Variants in PACRG observed in about 807,000 individuals in gnomAD.
PACRG encodes parkin coregulated.
In PACRG, 29 loss-of-function variants were observed where a neutral mutation model predicts 29.7. That is an observed-to-expected ratio of 0.98 (90% CI 0.73 to 1.33). The LOEUF is 1.33. Ranked by LOEUF, PACRG falls within the 40% of genes most tolerant of loss-of-function variation. The pLI is 0.00. For synonymous variants in PACRG, 116 were observed against 118.7 expected, an observed-to-expected ratio of 0.98 and a Z score of 0.15; for missense variants, 279 against 316.2, an observed-to-expected ratio of 0.88 and a Z score of 0.89.
chr6:163,209,308 T>C (rs1209589045), intron 4 of PACRG, among the ~76,000 whole-genome samples: 1 of 152,252 alleles, frequency 6.6e-6, no homozygotes, highest in African/African-American at 2.4e-5. Flanking sequence ...GCAGTATTAA[T>C]GTGGCAGTCC....
intron 1 of PACRG, among the ~76,000 whole-genome samples, chr6:162,786,741 A>T (rs1784495876): frequency 6.6e-6 from 1 of 151,340 alleles, no homozygotes; most frequent in African/African-American, 2.4e-5. Flanking sequence ...TTTTACAGTA[A>T]TACAATTTTT....
At chr6:163,106,988 G>A (rs1341178245) in intron 4 of PACRG, among the ~76,000 whole-genome samples, 2 of 152,194 alleles carry the variant, frequency 1.3e-5, no homozygotes, top group Non-Finnish European at 2.9e-5. Context: ...TGGGGAAGAT[G>A]AGTTGCAAAT....
At chr6:163,228,228 G>T (rs1184410760) in intron 4 of PACRG, among the ~76,000 whole-genome samples, 1 of 151,880 alleles carries the variant, frequency 6.6e-6, no homozygotes, top group Admixed American at 6.6e-5. Context: ...CCAGGCAATG[G>T]ATTCTTCAAA....
intron 3 of PACRG, among the ~76,000 whole-genome samples, chr6:163,083,977 A>T (rs1813311055): frequency 6.6e-6 from 1 of 152,124 alleles, no homozygotes. Flanking sequence ...ACCATTTAAG[A>T]TAAATAACTT....
chr6:163,226,810 T>G (rs1048907115), intron 4 of PACRG, among the ~76,000 whole-genome samples: 2 of 152,130 alleles, frequency 1.3e-5, no homozygotes, highest in Admixed American at 1.3e-4. Context: ...TGACCCATGA[T>G]GTAGTAAAGG....
In PACRG at chr6:162,731,253, A is replaced by C. The variant is rs566234725; in HGVS notation, c.156+2862A>C. Among the ~76,000 whole-genome samples, 6 of 152,310 alleles carry C rather than the reference A, an allele frequency of 3.9e-5. No homozygotes were observed. In the East Asian group the frequency reaches 1.2e-3, roughly 29 times the overall value. ...AACTCTTTTGAGCATTTTGGATTTC[A>C]GATTTTCAGAACTGGCGTGACCATC... On this transcript the variant is annotated intron_variant, in intron 1 of 4. Transcript: ENST00000366888.
intron 1 of PACRG, among the ~76,000 whole-genome samples, chr6:162,740,972 C>T (rs1780547637): frequency 6.6e-6 from 1 of 152,108 alleles, no homozygotes; most frequent in African/African-American, 2.4e-5. Flanking sequence ...TTTTATCAGA[C>T]ACTTGCTGCA....
intron 1 of PACRG, among the ~76,000 whole-genome samples, chr6:162,812,062 A>G (rs934070772): frequency 6.6e-6 from 1 of 152,152 alleles, no homozygotes; most frequent in Non-Finnish European, 1.5e-5. Flanking sequence ...TGAAGAGGAC[A>G]TAGTTGTTGC....
intron 2 of PACRG, among the ~76,000 whole-genome samples, chr6:162,875,142 C>G (rs769746095): frequency 1.4e-5 from 2 of 147,830 alleles, no homozygotes; most frequent in African/African-American, 2.5e-5. Flanking sequence ...CATTCACACG[C>G]AGACATTCAC....
chr6:163,302,200 C>T (rs998678456), intron 4 of PACRG, among the ~76,000 whole-genome samples: 4 of 152,140 alleles, frequency 2.6e-5, no homozygotes, highest in African/African-American at 9.7e-5. Context: ...TTCAAAACTT[C>T]CCCCCACAGT....
Position 162,747,822 on chromosome 6 carries a change from CG to C in PACRG, c.156+19435del, listed in dbSNP as rs539605772. 5.3e-4 allele frequency among the ~76,000 whole-genome samples: 80 copies of C among 151,892 alleles called. No homozygotes were observed. In the South Asian group the frequency reaches 0.016, roughly 30 times the overall value. ...AGCCAAGAGTATTAGTAATGGGAGA[CG>C]GGGCTCAGGAAATGTAGAGATTCAT... is the stretch of plus-strand genomic sequence containing the variant. On this transcript the variant is annotated intron_variant, in intron 1 of 4. Coordinates refer to ENST00000366888, the MANE Select transcript of PACRG (RefSeq NM_001080379.2).
At chr6:163,230,856 A>C (rs1298373921) in intron 4 of PACRG, among the ~76,000 whole-genome samples, 3 of 104,666 alleles carry the variant, frequency 2.9e-5, no homozygotes, top group Admixed American at 1.8e-4. Flanking sequence ...AGAGGCCTTC[A>C]ATTAGGCCTC....
intron 4 of PACRG, among the ~76,000 whole-genome samples, chr6:163,199,743 G>A (rs1382861958): frequency 2.6e-5 from 4 of 152,106 alleles, no homozygotes; most frequent in Admixed American, 6.5e-5. Context: ...TGAACTCCTC[G>A]CAGAACTCAT....
intron 4 of PACRG, among the ~76,000 whole-genome samples, chr6:163,090,521 G>A (rs147252757): frequency 9.3e-4 from 141 of 152,232 alleles, no homozygotes; most frequent in African/African-American, 3.2e-3. Flanking sequence ...TAGTCTTTAC[G>A]CAAAGTAATA....
chr6:162,834,352 A>T (rs1789035940), intron 2 of PACRG, among the ~76,000 whole-genome samples: 3 of 152,134 alleles, frequency 2.0e-5, no homozygotes, highest in East Asian at 3.9e-4. Context: ...TGTCTAAAAC[A>T]TTATATACAT....
At chr6:162,799,441 A>T (rs1466033522) in intron 1 of PACRG, among the ~76,000 whole-genome samples, 1 of 152,096 alleles carries the variant, frequency 6.6e-6, no homozygotes, top group Non-Finnish European at 1.5e-5. Context: ...TTTCTTATTA[A>T]ATTATCTTCC....
chr6:163,025,121 C>T (rs1807005030), intron 2 of PACRG, among the ~76,000 whole-genome samples: 1 of 152,162 alleles, frequency 6.6e-6, no homozygotes, highest in Non-Finnish European at 1.5e-5. Flanking sequence ...AAACCCATAG[C>T]CCACATCATA....
intron 2 of PACRG, among the ~76,000 whole-genome samples, chr6:162,952,092 C>T (rs1411078757): frequency 1.3e-5 from 2 of 152,172 alleles, no homozygotes; most frequent in Admixed American, 1.3e-4. Context: ...GGTAATGATC[C>T]TTTATCTCTA....
chr6:162,850,521 G>T (rs1456416763), intron 2 of PACRG, among the ~76,000 whole-genome samples: 1 of 152,162 alleles, frequency 6.6e-6, no homozygotes, highest in Admixed American at 6.5e-5. Flanking sequence ...GGGGCTGAGG[G>T]TTAAGTTGAT....
Sources: allele counts gnomAD v4.1 joint callset (sites outside exome capture counted in the v4.1 genomes callset), GRCh38; gene constraint gnomAD v4.1.1; transcripts MANE v1.5; gene names NCBI Gene and HGNC (gene_info 2026-07-23, HGNC 2026-07-21).